ZEB1: variants seen among roughly 807,000 people sequenced by gnomAD.
The protein encoded by ZEB1 is zinc finger E-box-binding homeobox 1.
A neutral mutation model predicts 84.9 loss-of-function variants in ZEB1; 21 were observed. That is an observed-to-expected ratio of 0.25 (90% CI 0.18 to 0.36). The LOEUF is 0.36. ZEB1 is among the 10% of genes least tolerant of loss of function. ZEB1 has a pLI of 1.00. For synonymous variants in ZEB1, 420 were observed against 471.1 expected (o/e 0.89, Z 1.41); for missense variants, 1,104 against 1,330.2 (o/e 0.83, Z 2.65).
intron 2 of ZEB1, among the ~76,000 whole-genome samples, chr10:31,472,104 A>G (rs2063346812): frequency 6.6e-6 from 1 of 151,312 alleles, no homozygotes; most frequent in African/African-American, 2.5e-5. Flanking sequence ...CCACAAGAGA[A>G]AGCAGGAAAG....
Position 31,439,441 on chromosome 10 carries a change from A to G in ZEB1, c.59-21596A>G, listed in dbSNP as rs181568530. On this transcript the variant is annotated intron_variant, in intron 1 of 8. Transcript: ENST00000424869. Reference sequence around the variant, plus strand: ...GTGTACTCTTTTATTTAAACCTTGCATATGTCAGGCGTTACTGGGACTTTT... The same window carrying G: ...GTGTACTCTTTTATTTAAACCTTGCGTATGTCAGGCGTTACTGGGACTTTT... Among the ~76,000 whole-genome samples, 12 of 152,242 alleles carry G rather than the reference A, an allele frequency of 7.9e-5. No homozygotes were observed. The East Asian group carries it at 9.6e-4, about 12-fold the overall frequency.
intron 2 of ZEB1, among the ~76,000 whole-genome samples, chr10:31,469,564 G>A (rs1349521163): frequency 2.0e-5 from 3 of 151,606 alleles, no homozygotes; most frequent in African/African-American, 4.8e-5. Context: ...AGGGTCCTAC[G>A]CCCACGGAGT....
At chr10:31,330,352 G>C (rs2036484652) in intron 1 of ZEB1, among the ~76,000 whole-genome samples, 1 of 152,148 alleles carries the variant, frequency 6.6e-6, no homozygotes, top group African/African-American at 2.4e-5. Flanking sequence ...TGAGTACATT[G>C]TGCCTAGTTG....
chr10:31,410,551 G>C (rs1208986616), intron 1 of ZEB1, among the ~76,000 whole-genome samples: 1 of 152,088 alleles, frequency 6.6e-6, no homozygotes. Flanking sequence ...CTCTTTTTCT[G>C]TTGTTCGAGA....
intron 1 of ZEB1, among the ~76,000 whole-genome samples, chr10:31,344,740 T>C (rs2039998420): frequency 6.6e-6 from 1 of 152,132 alleles, no homozygotes; most frequent in African/African-American, 2.4e-5. Flanking sequence ...TACCTCCTTT[T>C]AGACTCCGAT....
chr10:31,500,119 A>C (rs1464550049), intron 3 of ZEB1, among the ~76,000 whole-genome samples: 2 of 152,074 alleles, frequency 1.3e-5, no homozygotes, highest in Admixed American at 1.3e-4. Context: ...TTTATAATAT[A>C]ATTTGATAAA....
chr10:31,360,582 ATAT>A (rs1173621299), intron 1 of ZEB1, among the ~76,000 whole-genome samples: 1 of 152,218 alleles, frequency 6.6e-6, no homozygotes. Context: ...ATGTGACAAG[ATAT>A]TATTGGTTAA....
chr10:31,347,611 C>A (rs1489442968), intron 1 of ZEB1, among the ~76,000 whole-genome samples: 1 of 152,104 alleles, frequency 6.6e-6, no homozygotes, highest in Non-Finnish European at 1.5e-5. Flanking sequence ...TAGGAAAGTG[C>A]CTCTTTTAAC....
intron 1 of ZEB1, among the ~76,000 whole-genome samples, chr10:31,459,430 A>G (rs1007202482): frequency 1.2e-4 from 19 of 152,108 alleles, no homozygotes; most frequent in African/African-American, 4.3e-4. Flanking sequence ...AGTGCATTGA[A>G]ATAATTAATA....
Position 31,329,879 on chromosome 10 carries a change from A to G in ZEB1, c.58+10587A>G, listed in dbSNP as rs576888956. 3.9e-5 allele frequency among the ~76,000 whole-genome samples: 6 copies of G among 152,228 alleles called. No homozygotes were observed. The East Asian group carries it at 1.2e-3, about 29-fold the overall frequency. On this transcript the variant is annotated intron_variant, in intron 1 of 8. Transcript: ENST00000424869. ...AACTGTCTGTTCAAATAATTTGTCC[A>G]TTTTTAATTGGATTGTTTGTCTTTT... is the stretch of plus-strand genomic sequence containing the variant.
At chr10:31,474,496 C>G (rs1414963971) in intron 2 of ZEB1, among the ~76,000 whole-genome samples, 5 of 152,126 alleles carry the variant, frequency 3.3e-5, no homozygotes, top group Non-Finnish European at 5.9e-5. Flanking sequence ...AAAGGCAAAT[C>G]AAAACCACAA....
At chr10:31,495,576 A>G (rs1467185272) in intron 2 of ZEB1, among the ~76,000 whole-genome samples, 200 bp from the exon 3 acceptor site, 1 of 152,058 alleles carries the variant, frequency 6.6e-6, no homozygotes, top group African/African-American at 2.4e-5. Context: ...AATGTTTGTG[A>G]CAACTGGATT....
chr10:31,372,645 A>G (rs570433072), intron 1 of ZEB1, among the ~76,000 whole-genome samples: 1 of 152,192 alleles, frequency 6.6e-6, no homozygotes, highest in South Asian at 2.1e-4. Flanking sequence ...TAATAAATAT[A>G]AATATAGATG....
chr10:31,496,996 G>A (rs1351000128), intron 3 of ZEB1, among the ~76,000 whole-genome samples: 10 of 152,016 alleles, frequency 6.6e-5, no homozygotes, highest in Non-Finnish European at 1.2e-4. Flanking sequence ...TTTGTGGTGC[G>A]TATAGCCTGC....
At chr10:31,491,521 AG>A (rs1158287408) in intron 2 of ZEB1, among the ~76,000 whole-genome samples, 1 of 151,820 alleles carries the variant, frequency 6.6e-6, no homozygotes, top group Non-Finnish European at 1.5e-5. Flanking sequence ...GCCCACTTTC[AG>A]GTTTTAAGCT....
chr10:31,465,350 G>A (rs957136149), intron 2 of ZEB1, among the ~76,000 whole-genome samples: 2 of 151,798 alleles, frequency 1.3e-5, no homozygotes, highest in Admixed American at 1.3e-4. Flanking sequence ...GTTCTTATCA[G>A]TTTAAAATAG....
At chr10:31,523,862 A>G (rs1166455715) in intron 7 of ZEB1, 71 bp from the exon 8 acceptor site, 2 of 1,539,638 alleles carry the variant, frequency 1.3e-6, no homozygotes, top group Admixed American at 1.7e-5. Context: ...TCTTTATCTC[A>G]TGCTTTTATG....
At chr10:31,354,191 T>TCTTTTC (rs2041762314) in intron 1 of ZEB1, among the ~76,000 whole-genome samples, 1 of 152,198 alleles carries the variant, frequency 6.6e-6, no homozygotes, top group Admixed American at 6.5e-5. Context: ...GAAACAATGA[T>TCTTTTC]ATTGGAATCC....
At chr10:31,471,771 C>G (rs1385828296) in intron 2 of ZEB1, among the ~76,000 whole-genome samples, 1 of 141,468 alleles carries the variant, frequency 7.1e-6, no homozygotes, top group Non-Finnish European at 1.5e-5. Flanking sequence ...TTTTTCAGCA[C>G]CACACCACAC....
Sources: gnomAD v4.1 joint callset for allele counts (sites outside exome capture counted in the v4.1 genomes callset) on GRCh38, gnomAD v4.1.1 for gene constraint, MANE v1.5 for transcripts, NCBI Gene and HGNC (gene_info 2026-07-23, HGNC 2026-07-21) for gene names.